CATSPER3: variants seen among roughly 807,000 people sequenced by gnomAD.
CATSPER3 encodes the protein cation channel sperm-associated protein 3.
A neutral mutation model predicts 36.6 loss-of-function variants in CATSPER3; 23 were observed. The observed-to-expected ratio is 0.63, with a 90% CI of 0.45 to 0.89. CATSPER3 has a LOEUF of 0.89. Ranked by LOEUF, CATSPER3 falls within the 40% of genes least tolerant of loss-of-function variation. The probability of loss-of-function intolerance (pLI) is 0.00; values close to 1 mark genes in which losing one functional copy is unlikely to be tolerated. For synonymous variants in CATSPER3, 172 were observed against 184.1 expected (o/e 0.93, Z 0.53); for missense variants, 474 against 503.9 (o/e 0.94, Z 0.57).
At chr5:134,998,711 A>G (rs1006964322) in intron 3 of CATSPER3, among the ~76,000 whole-genome samples, 1 of 152,166 alleles carries the variant, frequency 6.6e-6, no homozygotes, top group African/African-American at 2.4e-5. Context: ...GGCTGTGTAA[A>G]TGTCTTCTTT....
intron 3 of CATSPER3, among the ~76,000 whole-genome samples, chr5:134,999,404 T>A (rs1751992879): frequency 6.6e-6 from 1 of 152,156 alleles, no homozygotes; most frequent in Non-Finnish European, 1.5e-5. Context: ...TCTTTTTTGG[T>A]TCCATATGAA....
intron 2 of CATSPER3, among the ~76,000 whole-genome samples, chr5:134,972,064 A>G (rs1229596660): frequency 6.6e-6 from 1 of 152,220 alleles, no homozygotes; most frequent in Admixed American, 6.5e-5. Flanking sequence ...TTACTGTAAG[A>G]AAAAAGAGAA....
At chr5:134,997,225 C>A (rs1751961279) in intron 3 of CATSPER3, among the ~76,000 whole-genome samples, 1 of 152,236 alleles carries the variant, frequency 6.6e-6, no homozygotes, top group Non-Finnish European at 1.5e-5. Context: ...CGGAGGCTGC[C>A]CCTCGCCTGG....
chr5:134,968,776 C>T (rs1751565380), intron 1 of CATSPER3: 1 of 151,394 alleles, frequency 6.6e-6, no homozygotes, highest in Non-Finnish European at 1.5e-5. Flanking sequence ...TCATTTGTAA[C>T]ATATAATGGG....
chr5:135,006,540 G>GA (rs147181736), intron 3 of CATSPER3, among the ~76,000 whole-genome samples: 8,141 of 149,852 alleles, frequency 0.054, 678 homozygotes, highest in African/African-American at 0.18. Flanking sequence ...AAGGCATTAA[G>GA]AAAAAAAAAA....
intron 3 of CATSPER3, among the ~76,000 whole-genome samples, chr5:135,006,861 A>G (rs1237624974): frequency 6.6e-6 from 1 of 150,950 alleles, no homozygotes; most frequent in East Asian, 1.9e-4. Context: ...TAATAATAAT[A>G]ATAATAATAA....
intron 2 of CATSPER3, among the ~76,000 whole-genome samples, chr5:134,971,827 GTT>G (rs1427806842): frequency 1.3e-5 from 2 of 152,028 alleles, no homozygotes; most frequent in Admixed American, 6.6e-5. Flanking sequence ...GGAAGAGAAG[GTT>G]CAGATAAAAT....
At chr5:135,010,302 G>A (rs1278806950) in intron 6 of CATSPER3, 71 bp from the exon 7 acceptor site, 2 of 1,358,994 alleles carry the variant, frequency 1.5e-6, no homozygotes, top group Non-Finnish European at 1.1e-6. Context: ...ATCCTGGAGA[G>A]TCTCCATGTC....
At chr5:134,979,910 C>T (rs1008701488) in intron 2 of CATSPER3, among the ~76,000 whole-genome samples, 12 of 150,056 alleles carry the variant, frequency 8.0e-5, no homozygotes, top group African/African-American at 2.9e-4. Context: ...TCTAGGAGAA[C>T]TTTTCTTCCT....
At chr5:134,987,484 G>C (rs893244167) in intron 2 of CATSPER3, among the ~76,000 whole-genome samples, 2 of 152,160 alleles carry the variant, frequency 1.3e-5, no homozygotes, top group African/African-American at 4.8e-5. Flanking sequence ...TCATCCATGA[G>C]ACCAGCACAA....
intron 2 of CATSPER3, among the ~76,000 whole-genome samples, chr5:134,995,042 T>G (rs1385597706): frequency 6.6e-6 from 1 of 151,298 alleles, no homozygotes; most frequent in Non-Finnish European, 1.5e-5. Flanking sequence ...CTTCCTTCCT[T>G]CCAATACATA....
chr5:134,993,860 C>T (rs1428080954), intron 2 of CATSPER3, among the ~76,000 whole-genome samples: 1 of 152,206 alleles, frequency 6.6e-6, no homozygotes, highest in Non-Finnish European at 1.5e-5. Flanking sequence ...CGCAGTGGCT[C>T]ACACCTGTAA....
Position 135,008,075 on chromosome 5 carries a change from A to G in CATSPER3, c.611A>G (p.Asn204Ser), listed in dbSNP as rs780180128. 15 of 1,614,022 alleles carry G rather than the reference A, an allele frequency of 9.3e-6. No homozygotes were observed. The highest frequency in any genetic ancestry group is 2.2e-5 in the South Asian group (2 of 91,078). ...LGFCLFGSPDNGDHDNWGNLA... is the reference protein window; with the variant it reads ...LGFCLFGSPDSGDHDNWGNLA... The stretch of plus-strand genomic sequence containing the variant: ...TTCTGCCTGTTTGGATCTCCAGACA[A>G]TGGTGACCATGATAACTGGGGGAAC... The change falls in exon 4 of 8, where the codon AAT (asparagine) becomes AGT (serine). Residue 204 changes from asparagine to serine, a missense_variant. Physicochemically the swap from Asn to Ser is conservative, Grantham distance 46 (BLOSUM62 1). Transcript: ENST00000282611.
chr5:134,991,731 A>AC (rs1305173825), intron 2 of CATSPER3, among the ~76,000 whole-genome samples: 7 of 152,230 alleles, frequency 4.6e-5, no homozygotes, highest in Admixed American at 4.6e-4. Flanking sequence ...TGGATTTGGT[A>AC]ATGGATTCTT....
Position 135,008,122 on chromosome 5 carries a change from C to G in CATSPER3, c.658C>G (p.Leu220Val), listed in dbSNP as rs764856124. 1 of 1,614,042 alleles carries G rather than the reference C, an allele frequency of 6.2e-7. No homozygotes were observed. The highest frequency in any genetic ancestry group is 1.1e-5 in the South Asian group (1 of 91,074). Residue 220 changes from leucine to valine, a missense_variant, in exon 4 of 8, where the codon CTC becomes GTC. Leu to Val is a conservative substitution (Grantham distance 32, BLOSUM62 1). Coordinates refer to ENST00000282611, the MANE Select transcript of CATSPER3 (RefSeq NM_178019.3). ...GAACCTGGCTGCAGCTTTTTTCACCCTCTTCAGCTTGGCCACGGTACTGTG... is the reference window on the plus strand; with the variant it reads ...GAACCTGGCTGCAGCTTTTTTCACCGTCTTCAGCTTGGCCACGGTACTGTG... ...WGNLAAAFFT[L>V]FSLATVDGWT... is the part of the protein sequence containing the mutation.
chr5:134,980,366 T>C (rs1751735398), intron 2 of CATSPER3, among the ~76,000 whole-genome samples: 1 of 141,544 alleles, frequency 7.1e-6, no homozygotes, highest in South Asian at 2.6e-4. Context: ...CCCTCCTCTC[T>C]TCCTTCCTTC....
At chr5:135,008,795 T>C (rs1328506890) in intron 4 of CATSPER3, 46 bp from the exon 5 acceptor site, 1 of 1,583,370 alleles carries the variant, frequency 6.3e-7, no homozygotes. Flanking sequence ...AGGAGGCCTG[T>C]GCCACTGGGT....
At chr5:135,006,850 ATAATAAT>A (rs769615567) in intron 3 of CATSPER3, among the ~76,000 whole-genome samples, 12 of 127,034 alleles carry the variant, frequency 9.4e-5, no homozygotes, top group South Asian at 5.1e-4. Context: ...AAAAAAAAAA[ATAATAAT>A]AATAATAATA....
At chr5:134,970,519 T>C (rs1173578776) in intron 2 of CATSPER3, among the ~76,000 whole-genome samples, 1 of 151,952 alleles carries the variant, frequency 6.6e-6, no homozygotes, top group Non-Finnish European at 1.5e-5. Context: ...CTAAAAATAC[T>C]CTAAAATCTG....
Sources: gnomAD v4.1 joint callset for allele counts (sites outside exome capture counted in the v4.1 genomes callset) on GRCh38, gnomAD v4.1.1 for gene constraint, MANE v1.5 for transcripts, NCBI Gene and HGNC (gene_info 2026-07-23, HGNC 2026-07-21) for gene names.